The following PRMT8 variants were observed in gnomAD, a reference collection of about 807,000 sequenced individuals.
PRMT8 encodes protein arginine N-methyltransferase 8.
PRMT8 carries 7 observed loss-of-function variants against 47.1 expected under a neutral mutation model. That is an observed-to-expected ratio of 0.15 (90% CI 0.08 to 0.28). The LOEUF (loss-of-function observed/expected upper bound fraction) is 0.28, where lower values mean the gene tolerates loss of function less well. Ranked by LOEUF, PRMT8 falls within the 10% of genes least tolerant of loss-of-function variation. The pLI, the probability that PRMT8 is intolerant of heterozygous loss-of-function variation, is 1.00. For missense variants in PRMT8, 237 were observed against 505.4 expected, an observed-to-expected ratio of 0.47 and a Z score of 5.09; for synonymous variants, 188 against 186.5, an observed-to-expected ratio of 1.01 and a Z score of -0.07.
intron 2 of PRMT8, among the ~76,000 whole-genome samples, chr12:3,545,136 T>C (rs1043233468): frequency 2.6e-5 from 4 of 152,302 alleles, no homozygotes; most frequent in African/African-American, 9.6e-5. Context: ...TAACAAACCC[T>C]AGGAAGTAGG....
intron 1 of PRMT8, among the ~76,000 whole-genome samples, chr12:3,402,687 C>G (rs1288475165): frequency 6.6e-6 from 1 of 152,218 alleles, no homozygotes; most frequent in African/African-American, 2.4e-5. Context: ...CAAAAGAAGA[C>G]ATACATTTGG....
chr12:3,470,021 C>T (rs901178692), intron 1 of PRMT8, among the ~76,000 whole-genome samples: 10 of 152,150 alleles, frequency 6.6e-5, no homozygotes, highest in East Asian at 1.9e-4. Context: ...TAACGGTGTT[C>T]GTCATCAGGA....
chr12:3,405,857 G>T (rs570344559), intron 1 of PRMT8, among the ~76,000 whole-genome samples: 1 of 152,284 alleles, frequency 6.6e-6, no homozygotes, highest in East Asian at 1.9e-4. Flanking sequence ...GTAAGCTGTT[G>T]GTGAAGTACC....
intron 1 of PRMT8, among the ~76,000 whole-genome samples, chr12:3,441,407 G>A (rs1191464931): frequency 2.6e-5 from 4 of 152,166 alleles, no homozygotes; most frequent in Non-Finnish European, 5.9e-5. Flanking sequence ...CGCTGCCAGG[G>A]CTCCCCTTTT....
At chr12:3,434,217 A>C (rs1027330731) in intron 1 of PRMT8, among the ~76,000 whole-genome samples, 1 of 152,196 alleles carries the variant, frequency 6.6e-6, no homozygotes, top group African/African-American at 2.4e-5. Context: ...AATCCGGGGT[A>C]AGGTAGCCCA....
At chr12:3,469,382 C>A in intron 1 of PRMT8, 1 of 271,842 alleles carries the variant, frequency 3.7e-6, no homozygotes, top group East Asian at 1.1e-4. Flanking sequence ...TGCTTAGGGG[C>A]AGGAGCAAAA....
At chr12:3,537,980 T>C (rs566377428) in intron 1 of PRMT8, among the ~76,000 whole-genome samples, 4 of 152,170 alleles carry the variant, frequency 2.6e-5, no homozygotes, top group Admixed American at 6.5e-5. Context: ...AAACCGGCAA[T>C]AGCTCCCCGT....
chr12:3,388,543 T>G (rs938475252), intron 1 of PRMT8, among the ~76,000 whole-genome samples: 1 of 152,220 alleles, frequency 6.6e-6, no homozygotes, highest in Non-Finnish European at 1.5e-5. Context: ...GTTTTTAGTA[T>G]CCACTGATGA....
At position 3,493,570 on chromosome 12, in the gene PRMT8, C is replaced by T. The variant is rs1373636553; in HGVS notation, c.75+1870C>T. Among the ~76,000 whole-genome samples the T allele has an allele frequency of 2.0e-5, 3 of 152,204 alleles. No individual in the cohort carries two copies. The highest frequency in any genetic ancestry group is 4.8e-5 in the African/African-American group (2 of 41,444). On this transcript the variant is annotated intron_variant, in intron 1 of 9. Coordinates refer to ENST00000382622, the MANE Select transcript of PRMT8 (RefSeq NM_019854.5). The surrounding 1 kb of genome is among the most constrained non-coding windows in gnomAD (Gnocchi z 8.2). Reference sequence around the variant, plus strand: ...TGCCGCGCGGGGTCTGGGTGCAGACCCCTGCCAGGTTCCGCAGTGTGCAGC... The same window carrying T: ...TGCCGCGCGGGGTCTGGGTGCAGACTCCTGCCAGGTTCCGCAGTGTGCAGC...
chr12:3,419,036 G>A (rs371640165), intron 1 of PRMT8, among the ~76,000 whole-genome samples: 13 of 152,190 alleles, frequency 8.5e-5, no homozygotes, highest in African/African-American at 3.1e-4. Context: ...TTGCCCAGGC[G>A]ATACACAGAC....
chr12:3,401,993 A>T (rs1297022102), intron 1 of PRMT8, among the ~76,000 whole-genome samples: 1 of 152,214 alleles, frequency 6.6e-6, no homozygotes, highest in Non-Finnish European at 1.5e-5. Flanking sequence ...TAAAATTCAT[A>T]TGGAACCAAA....
intron 1 of PRMT8, among the ~76,000 whole-genome samples, chr12:3,435,582 C>T (rs574678499): frequency 5.2e-4 from 76 of 147,536 alleles, no homozygotes; most frequent in African/African-American, 1.7e-3. Flanking sequence ...AGTGCAGTGG[C>T]GCAGTGTTGG....
At chr12:3,400,656 C>G (rs2137050689) in intron 1 of PRMT8, among the ~76,000 whole-genome samples, 1 of 152,234 alleles carries the variant, frequency 6.6e-6, no homozygotes, top group Middle Eastern at 3.4e-3. Flanking sequence ...CTAACTCATT[C>G]TAGGAGGCCA....
intron 4 of PRMT8, among the ~76,000 whole-genome samples, chr12:3,556,799 GT>G (rs1263544429): frequency 2.0e-5 from 3 of 152,240 alleles, no homozygotes; most frequent in Non-Finnish European, 4.4e-5. Flanking sequence ...TAAGGTGTGT[GT>G]GTCAGGGGTG....
intron 1 of PRMT8, among the ~76,000 whole-genome samples, chr12:3,523,981 T>C (rs1056707098): frequency 6.6e-6 from 1 of 152,238 alleles, no homozygotes; most frequent in African/African-American, 2.4e-5. Context: ...CGGCTCTTCA[T>C]ATGCCCTGGG....
At chr12:3,393,224 C>T (rs1864213481) in intron 1 of PRMT8, among the ~76,000 whole-genome samples, 2 of 152,086 alleles carry the variant, frequency 1.3e-5, no homozygotes. Context: ...TTAATTAGAT[C>T]CCGTTTGTCA....
Position 3,583,263 on chromosome 12 carries a change from C to T in PRMT8, c.979+55C>T, listed in dbSNP as rs1167566263. ...CTCCCTCTCCCATGCTTCCTCAAGT[C>T]TTTGTGGGGTGACCAGAGCTGGCCT... On this transcript the variant is annotated intron_variant, in intron 8 of 9. Coordinates refer to ENST00000382622, the MANE Select transcript of PRMT8 (RefSeq NM_019854.5). This position sits in a 1 kb window ranked among gnomAD's most constrained non-coding sequence, Gnocchi z 4.7. The T allele has an allele frequency of 3.1e-5, 48 of 1,542,248 alleles. No homozygotes were observed. The highest frequency in any genetic ancestry group is 3.4e-4 in the Middle Eastern group (2 of 5,924).
chr12:3,583,303 G>A lies in PRMT8; in HGVS notation c.979+95G>A, dbSNP rs1565449330. On this transcript the variant is annotated intron_variant, in intron 8 of 9. Transcript: ENST00000382622. This position sits in a 1 kb window ranked among gnomAD's most constrained non-coding sequence, Gnocchi z 4.7. ...AGAGCTGGCCTTGACTTGGGGAGAA[G>A]GGGCTGGGTGTTAGCTGGGTGACAC... 7.3e-7 allele frequency: 1 copy of A among 1,378,876 alleles called. No homozygotes were observed. The highest frequency in any genetic ancestry group is 1.5e-5 in the South Asian group (1 of 68,082). The allele number at this position is 1,378,876 out of a possible 1,614,324, so 85.4% of individuals were successfully genotyped here.
At chr12:3,523,783 G>T (rs1443266465) in intron 1 of PRMT8, among the ~76,000 whole-genome samples, 2 of 152,184 alleles carry the variant, frequency 1.3e-5, no homozygotes, top group African/African-American at 4.8e-5. Context: ...ACTTACAAAA[G>T]CCTATCATTG....
Sources: gnomAD v4.1 joint callset for allele counts (sites outside exome capture counted in the v4.1 genomes callset) on GRCh38, gnomAD v4.1.1 for gene constraint, Gnocchi (gnomAD v3.1) non-coding constraint, MANE v1.5 for transcripts, NCBI Gene and HGNC (gene_info 2026-07-23, HGNC 2026-07-21) for gene names.